Variants in CHST7 observed in about 807,000 individuals in gnomAD.
CHST7 encodes the protein carbohydrate sulfotransferase 7, also known as N-acetylglucosamine 6-O-sulfotransferase 4.
In CHST7, 5 loss-of-function variants were observed where a neutral mutation model predicts 9.0. That is an observed-to-expected ratio of 0.56 (90% confidence interval 0.29 to 1.17). The LOEUF (loss-of-function observed/expected upper bound fraction) is 1.17. Among genes scored for constraint, CHST7 ranks in the 50% most tolerant of loss-of-function variants. The pLI is 0.08. For synonymous variants in CHST7, 244 were observed against 237.1 expected (o/e 1.03, Z -0.27); for missense variants, 377 against 485.1 (o/e 0.78, Z 2.09).
At chrX:46,589,591 T>G (rs1942564938) in intron 1 of CHST7, among the ~76,000 whole-genome samples, 1 of 111,201 alleles carries the variant, frequency 9.0e-6, no homozygotes, top group Non-Finnish European at 1.9e-5. Context: ...AATCCTCTAT[T>G]TAAGATTCTG....
rs765590326 is a variant in CHST7, at chrX:46,574,273, G to T, written c.342G>T (p.Ser114=). 2.5e-6 allele frequency: 3 copies of T among 1,207,863 alleles called. No individual in the cohort carries two copies. Among genetic ancestry groups the T allele is most frequent in the Non-Finnish European group, 3.4e-6 (3 of 894,303 alleles). Residue 114 remains serine, a synonymous_variant, in exon 1 of 2, where the codon TCG becomes TCT. Transcript: ENST00000276055. Reference sequence around the variant, plus strand: ...TGCATGCCACCTGGCGCACCGGCTCGTCCTTCCTGGGCGAACTCTTTAACC... The same window carrying T: ...TGCATGCCACCTGGCGCACCGGCTCTTCCTTCCTGGGCGAACTCTTTAACC... ...IYVHATWRTG[S]SFLGELFNQH... is the part of the protein sequence containing the mutation.
chrX:46,592,485 C>T (rs780948483), intron 1 of CHST7, among the ~76,000 whole-genome samples: 2 of 112,375 alleles, frequency 1.8e-5, no homozygotes, highest in Admixed American at 1.9e-4. Context: ...GCCTCAGCCT[C>T]CTGAGTAGCT....
At chrX:46,591,876 C>T (rs1448863231) in intron 1 of CHST7, among the ~76,000 whole-genome samples, 6 of 109,479 alleles carry the variant, frequency 5.5e-5, no homozygotes, top group Non-Finnish European at 9.5e-5. Context: ...TTGCCCCACA[C>T]CCCCTGACAG....
At chrX:46,578,239 G>T (rs1680865995) in intron 1 of CHST7, among the ~76,000 whole-genome samples, 1 of 108,452 alleles carries the variant, frequency 9.2e-6, no homozygotes, top group South Asian at 4.1e-4. Context: ...AGCCAGTAAG[G>T]GGTGGAGGGG....
chrX:46,581,688 T>G (rs1390916359), intron 1 of CHST7, among the ~76,000 whole-genome samples: 1 of 110,030 alleles, frequency 9.1e-6, no homozygotes, highest in African/African-American at 3.3e-5. Flanking sequence ...CTACACCATC[T>G]GGGTTCAAGC....
intron 1 of CHST7, among the ~76,000 whole-genome samples, chrX:46,595,307 T>G (rs1343330852): frequency 8.9e-6 from 1 of 112,389 alleles, no homozygotes; most frequent in Non-Finnish European, 1.9e-5. Flanking sequence ...CAAGTGCTCT[T>G]TTTATTGTCC....
Position 46,597,991 on chromosome X carries a change from A to AAAAT in CHST7, c.*265_*268dup, listed in dbSNP as rs1942604956. ...GTGCAATGTGGATATTTATGGCTGT[A>AAAAT]AAATAGGAAGAGCTTTAGTTCCCAG... On this transcript the variant is annotated 3_prime_UTR_variant, in exon 2 of 2. Transcript: ENST00000276055. 8.9e-6 allele frequency: 1 copy of AAAAT among 112,744 alleles called. No individual in the cohort carries two copies. The highest frequency in any genetic ancestry group is 1.9e-5 in the Non-Finnish European group (1 of 53,328). 9.3% of individuals were successfully genotyped at this position (112,744 alleles called of 1,213,427 possible).
chrX:46,578,944 G>A (rs777958002), intron 1 of CHST7, among the ~76,000 whole-genome samples: 2 of 110,616 alleles, frequency 1.8e-5, no homozygotes, highest in African/African-American at 6.6e-5. Flanking sequence ...GCCAATGCCT[G>A]AGCTCCACCC....
rs376196221 is a variant in CHST7, at chrX:46,574,387, G to T, written c.456G>T (p.Ala152=). 8.8e-5 allele frequency: 106 copies of T among 1,206,966 alleles called. No homozygotes were observed. Among genetic ancestry groups the T allele is most frequent in the Non-Finnish European group, 1.2e-4 (104 of 894,984 alleles). The change falls in exon 1 of 2, where the codon GCG becomes GCT. Residue 152 remains alanine, a synonymous_variant. Transcript: ENST00000276055. ...YPGDAESLQG[A]LRDMLRSLFR... ...GCGACGCCGAGAGCTTGCAGGGCGC[G>T]CTGCGCGACATGCTGCGTTCGCTCT...
chrX:46,596,302 C>A (rs1298641947), intron 1 of CHST7, among the ~76,000 whole-genome samples: 1 of 111,207 alleles, frequency 9.0e-6, no homozygotes, highest in Non-Finnish European at 1.9e-5. Context: ...TCCAGGAATG[C>A]CTCTGAGATT....
At chrX:46,591,520 G>A (rs1942572959) in intron 1 of CHST7, among the ~76,000 whole-genome samples, 1 of 109,788 alleles carries the variant, frequency 9.1e-6, no homozygotes, top group African/African-American at 3.3e-5. Context: ...GATTACAGGG[G>A]TGCGCCATCA....
chrX:46,578,951 A>G lies in CHST7; in HGVS notation c.*31+3528A>G, dbSNP rs751680845. ...TTTTTAATGCCAATGCCTGAGCTCC[A>G]CCCCCAGAGATTCTGATTTAAGTAG... On this transcript the variant is annotated intron_variant, in intron 1 of 1. Coordinates refer to ENST00000276055, the MANE Select transcript of CHST7 (RefSeq NM_019886.4). Among the ~76,000 whole-genome samples the G allele has an allele frequency of 2.7e-5, 3 of 110,350 alleles. No homozygotes were observed. In the East Asian group the frequency reaches 8.5e-4, roughly 31 times the overall value.
In CHST7 at chrX:46,574,167, C is replaced by T. The variant is rs1326696611; in HGVS notation, c.236C>T (p.Ala79Val). The change falls in exon 1 of 2, where the codon GCG (alanine) becomes GTG (valine). Residue 79 changes from alanine (A) to valine (V), a missense_variant. Coordinates refer to ENST00000276055, the MANE Select transcript of CHST7 (RefSeq NM_019886.4). Reference protein sequence around the residue: ...AEARAAEEGGANQSPRFPSNL... With the variant: ...AEARAAEEGGVNQSPRFPSNL... ...GCGCGGGCCGCCGAGGAAGGGGGCG[C>T]GAACCAGTCTCCTCGGTTCCCAAGC... 1 of 1,180,014 alleles carries T rather than the reference C, an allele frequency of 8.5e-7. No individual in the cohort carries two copies. Among genetic ancestry groups the T allele is most frequent in the South Asian group, 1.8e-5 (1 of 54,195 alleles).
rs1043621610 is a variant in CHST7 at position 46,573,855 on chromosome X, A to G, written c.-77A>G. The G allele has an allele frequency of 6.1e-6, 7 of 1,141,751 alleles. No homozygotes were observed. In the African/African-American group the frequency reaches 1.1e-4, roughly 18 times the overall value. The allele number at this position is 1,141,751 out of a possible 1,213,427, so 94.1% of individuals were successfully genotyped here. The stretch of plus-strand genomic sequence containing the variant: ...GCGCAGAGGGGCCGGGAGAGGCCAC[A>G]GGAGCGGACCTGGCACGGGATTTCT... On this transcript the variant is annotated 5_prime_UTR_variant, in exon 1 of 2. Transcript: ENST00000276055.
At position 46,575,416 on chromosome X, in the gene CHST7, G is replaced by C. The variant is rs775365574; in HGVS notation, c.*24G>C. The stretch of plus-strand genomic sequence containing the variant: ...AGCCTCCCATCCCTGTCCCCGGCAC[G>C]GATCCGGGTAAGGTGGCCCGGGGCA... On this transcript the variant is annotated 3_prime_UTR_variant, in exon 1 of 2. Transcript: ENST00000276055. The C allele has an allele frequency of 1.3e-4, 135 of 1,019,417 alleles. No individual in the cohort carries two copies. Among genetic ancestry groups the C allele is most frequent in the Non-Finnish European group, 1.7e-4 (133 of 805,549 alleles). The allele number at this position is 1,019,417 out of a possible 1,213,427, so 84.0% of individuals were successfully genotyped here. A position where few individuals can be genotyped will look rare whatever the true frequency, so the allele number is the denominator to read the frequency against.
intron 1 of CHST7, among the ~76,000 whole-genome samples, chrX:46,589,010 T>G (rs1023138635): frequency 2.7e-5 from 3 of 111,674 alleles, no homozygotes; most frequent in African/African-American, 9.8e-5. Flanking sequence ...GCAAACATTT[T>G]CATTCTCCCC....
chrX:46,585,300 T>TC (rs1942544316), intron 1 of CHST7, among the ~76,000 whole-genome samples: 1 of 105,289 alleles, frequency 9.5e-6, no homozygotes, highest in Admixed American at 1.0e-4. Flanking sequence ...CTTTTCTTTT[T>TC]TTTTTTTTTG....
Position 46,574,451 on chromosome X carries a change from C to T in CHST7, c.520C>T (p.Pro174Ser). 8.3e-7 allele frequency: 1 copy of T among 1,207,079 alleles called. No homozygotes were observed. The highest frequency in any genetic ancestry group is 1.1e-6 in the Non-Finnish European group (1 of 893,689). Reference sequence around the variant, plus strand: ...CTCCGTGCTGCGGCTGTACGCGCCGCCGGGGGACCCCGCTGCGCGCGCCCC... The same window carrying T: ...CTCCGTGCTGCGGCTGTACGCGCCGTCGGGGGACCCCGCTGCGCGCGCCCC... ...DFSVLRLYAP[P>S]GDPAARAPDT... The change falls in exon 1 of 2, where the codon CCG (proline) becomes TCG (serine). Residue 174 changes from proline (P) to serine (S), a missense_variant. This residue lies in a region of CHST7 where 239 missense variants were observed against 325.7 expected (regional missense o/e 0.73). Transcript: ENST00000276055.
chrX:46,596,385 A>T (rs1300599729), intron 1 of CHST7, among the ~76,000 whole-genome samples: 1 of 108,507 alleles, frequency 9.2e-6, no homozygotes, highest in Non-Finnish European at 1.9e-5. Context: ...TCAAACTCCT[A>T]CTCATTCCCT....
Sources: gnomAD v4.1 joint callset for allele counts (sites outside exome capture counted in the v4.1 genomes callset) on GRCh38, gnomAD v4.1.1 for gene constraint, gnomAD v4.1.1 regional missense constraint, MANE v1.5 for transcripts, NCBI Gene and HGNC (gene_info 2026-07-23, HGNC 2026-07-21) for gene names.